Variants in NKAIN2 observed in about 807,000 individuals in gnomAD.
The protein encoded by NKAIN2 is sodium/potassium-transporting ATPase subunit beta-1-interacting protein 2.
In NKAIN2, 14 loss-of-function variants were observed where a neutral mutation model predicts 32.6. That is an observed-to-expected ratio of 0.43 (90% confidence interval 0.28 to 0.67). The LOEUF is 0.67. Ranked by LOEUF, NKAIN2 falls within the 30% of genes least tolerant of loss-of-function variation. NKAIN2 has a pLI of 0.17. For missense variants in NKAIN2, 198 were observed against 258.3 expected, an observed-to-expected ratio of 0.77 and a Z score of 1.60; for synonymous variants, 80 against 87.2, an observed-to-expected ratio of 0.92 and a Z score of 0.46.
intron 3 of NKAIN2, among the ~76,000 whole-genome samples, chr6:124,603,908 G>A (rs1235218392): frequency 2.6e-5 from 4 of 152,006 alleles, no homozygotes; most frequent in African/African-American, 7.2e-5. Context: ...GACATGAAAT[G>A]TCACAAAACT....
At chr6:124,655,612 T>C (rs966764023) in intron 3 of NKAIN2, among the ~76,000 whole-genome samples, 2 of 152,064 alleles carry the variant, frequency 1.3e-5, no homozygotes, top group African/African-American at 2.4e-5. Flanking sequence ...TTCATGACAG[T>C]CCCGGGCATA....
intron 4 of NKAIN2, among the ~76,000 whole-genome samples, chr6:124,746,230 C>T (rs1583782362): frequency 6.6e-6 from 1 of 151,514 alleles, no homozygotes; most frequent in East Asian, 1.9e-4. Context: ...TTCCAAATTA[C>T]AATAAAAGTA....
intron 1 of NKAIN2, among the ~76,000 whole-genome samples, chr6:124,055,883 CATGACCAG>C (rs1031276845): frequency 1.3e-5 from 2 of 152,074 alleles, no homozygotes; most frequent in African/African-American, 4.8e-5. Context: ...CCTTAAACTA[CATGACCAG>C]ATGTGGTGAG....
chr6:124,455,425 C>T (rs904828123), intron 3 of NKAIN2, among the ~76,000 whole-genome samples: 15 of 151,810 alleles, frequency 9.9e-5, no homozygotes, highest in African/African-American at 2.9e-4. Context: ...ATCTAGTTTT[C>T]GAAATGATAT....
intron 1 of NKAIN2, among the ~76,000 whole-genome samples, chr6:123,895,793 C>T (rs912325312): frequency 2.6e-5 from 4 of 152,122 alleles, no homozygotes; most frequent in Admixed American, 2.0e-4. Context: ...CAAGGCCAGA[C>T]GCATAAGAAA....
At chr6:123,860,608 A>G (rs950904472) in intron 1 of NKAIN2, among the ~76,000 whole-genome samples, 1 of 151,960 alleles carries the variant, frequency 6.6e-6, no homozygotes, top group Non-Finnish European at 1.5e-5. Context: ...ATGTGATTTC[A>G]CCATGTTGCC....
At chr6:123,992,133 A>G (rs1779440087) in intron 1 of NKAIN2, among the ~76,000 whole-genome samples, 1 of 152,126 alleles carries the variant, frequency 6.6e-6, no homozygotes, top group African/African-American at 2.4e-5. Flanking sequence ...AGAGGCATGG[A>G]AGGCAGGATA....
At chr6:124,340,790 G>C (rs1460112505) in intron 2 of NKAIN2, among the ~76,000 whole-genome samples, 1 of 152,064 alleles carries the variant, frequency 6.6e-6, no homozygotes, top group African/African-American at 2.4e-5. Flanking sequence ...TATAATTGTA[G>C]GTGTTTAAAG....
At chr6:124,348,485 A>T (rs769893699) in intron 2 of NKAIN2, among the ~76,000 whole-genome samples, 11 of 152,182 alleles carry the variant, frequency 7.2e-5, no homozygotes, top group Non-Finnish European at 1.3e-4. Context: ...GGTGGGCTGC[A>T]CCCAGTTTGA....
At chr6:123,967,794 G>A (rs374168373) in intron 1 of NKAIN2, among the ~76,000 whole-genome samples, 2 of 151,994 alleles carry the variant, frequency 1.3e-5, no homozygotes, top group African/African-American at 4.8e-5. Flanking sequence ...ATAGAGTGAG[G>A]GTTCTTTTCT....
chr6:124,422,495 C>T (rs1421545616), intron 3 of NKAIN2, among the ~76,000 whole-genome samples: 3 of 152,102 alleles, frequency 2.0e-5, no homozygotes, highest in Non-Finnish European at 4.4e-5. Flanking sequence ...TGTGTACTAT[C>T]TCAGAAAGAT....
chr6:124,145,482 A>C (rs1787353137), intron 1 of NKAIN2, among the ~76,000 whole-genome samples: 1 of 146,860 alleles, frequency 6.8e-6, no homozygotes, highest in African/African-American at 2.5e-5. Context: ...AATTAAACTG[A>C]CAAACTTTTT....
chr6:124,150,097 T>C (rs1259977378), intron 1 of NKAIN2, among the ~76,000 whole-genome samples: 1 of 152,100 alleles, frequency 6.6e-6, no homozygotes, highest in Non-Finnish European at 1.5e-5. Flanking sequence ...ATAGAATAGG[T>C]GTCTTCAGCT....
At chr6:124,114,882 T>A (rs1318325397) in intron 1 of NKAIN2, among the ~76,000 whole-genome samples, 1 of 152,028 alleles carries the variant, frequency 6.6e-6, no homozygotes, top group Non-Finnish European at 1.5e-5. Flanking sequence ...ATTAGTAATG[T>A]AAAGGTCTGG....
chr6:124,212,325 CA>C (rs909368730), intron 1 of NKAIN2, among the ~76,000 whole-genome samples: 92 of 151,632 alleles, frequency 6.1e-4, no homozygotes, highest in African/African-American at 2.2e-3. Flanking sequence ...TCCAATAAAA[CA>C]AAAAAAGGGT....
chr6:124,294,353 C>T (rs1795956928), intron 2 of NKAIN2, among the ~76,000 whole-genome samples: 1 of 152,102 alleles, frequency 6.6e-6, no homozygotes, highest in Admixed American at 6.6e-5. Context: ...GACCTAATCA[C>T]CTTGGATAGA....
intron 1 of NKAIN2, among the ~76,000 whole-genome samples, chr6:124,234,413 A>C (rs1490749276): frequency 6.6e-6 from 1 of 152,182 alleles, no homozygotes. Context: ...AGTAGGGAGA[A>C]AAGAATAATT....
At chr6:124,019,623 A>G (rs980728488) in intron 1 of NKAIN2, among the ~76,000 whole-genome samples, 2 of 152,190 alleles carry the variant, frequency 1.3e-5, no homozygotes, top group Non-Finnish European at 2.9e-5. Context: ...TTCAGTAAAA[A>G]CATAATAAAT....
At chr6:124,009,751 G>A (rs912460112) in intron 1 of NKAIN2, among the ~76,000 whole-genome samples, 1 of 152,096 alleles carries the variant, frequency 6.6e-6, no homozygotes, top group Non-Finnish European at 1.5e-5. Flanking sequence ...AATGAATCTA[G>A]ACAATGCATG....
Sources: gnomAD v4.1 joint callset for allele counts (sites outside exome capture counted in the v4.1 genomes callset) on GRCh38, gnomAD v4.1.1 for gene constraint, MANE v1.5 for transcripts, NCBI Gene and HGNC (gene_info 2026-07-23, HGNC 2026-07-21) for gene names.